The following SPOCK1 variants were observed in gnomAD, a reference collection of about 807,000 sequenced individuals.
SPOCK1 encodes the protein testican-1.
A neutral mutation model predicts 55.3 loss-of-function variants in SPOCK1; 23 were observed. That is an observed-to-expected ratio of 0.42 (90% CI 0.30 to 0.59). SPOCK1 has a LOEUF of 0.59. SPOCK1 is among the 20% of genes least tolerant of loss of function. The pLI, the probability that SPOCK1 is intolerant of heterozygous loss-of-function variation, is 0.22. For missense variants in SPOCK1, 499 were observed against 552.5 expected (o/e 0.90, Z 0.97); for synonymous variants, 226 against 221.0 (o/e 1.02, Z -0.20).
chr5:137,278,178 A>G (rs1013795414), intron 2 of SPOCK1, among the ~76,000 whole-genome samples: 1 of 152,104 alleles, frequency 6.6e-6, no homozygotes, highest in African/African-American at 2.4e-5. Flanking sequence ...AACTCCTTTC[A>G]CTGTGTCCCT....
intron 2 of SPOCK1, among the ~76,000 whole-genome samples, chr5:137,352,232 T>C (rs1750696304): frequency 6.6e-6 from 1 of 152,248 alleles, no homozygotes; most frequent in Non-Finnish European, 1.5e-5. Flanking sequence ...ATCATTGTTA[T>C]TACCATGCCA....
intron 6 of SPOCK1, among the ~76,000 whole-genome samples, chr5:137,065,949 G>A (rs989957682): frequency 1.3e-5 from 2 of 152,122 alleles, no homozygotes; most frequent in African/African-American, 4.8e-5. Context: ...TGGAGTGTCA[G>A]TCTCATCTGC....
At chr5:137,281,131 T>C (rs1444455104) in intron 2 of SPOCK1, among the ~76,000 whole-genome samples, 1 of 152,230 alleles carries the variant, frequency 6.6e-6, no homozygotes, top group African/African-American at 2.4e-5. Flanking sequence ...TATTCATTCA[T>C]TTATTTATTC....
At chr5:137,386,956 A>C (rs528367226) in intron 2 of SPOCK1, among the ~76,000 whole-genome samples, 1 of 152,356 alleles carries the variant, frequency 6.6e-6, no homozygotes, top group South Asian at 2.1e-4. Flanking sequence ...CTTAAAACTC[A>C]ACAATAAGAA....
At chr5:137,448,995 G>A (rs1216869059) in intron 2 of SPOCK1, among the ~76,000 whole-genome samples, 4 of 152,146 alleles carry the variant, frequency 2.6e-5, no homozygotes, top group Non-Finnish European at 4.4e-5. Context: ...AGCACTCTTC[G>A]TTCAGGTGTC....
chr5:137,303,945 C>A (rs1757651481), intron 2 of SPOCK1, among the ~76,000 whole-genome samples: 1 of 152,168 alleles, frequency 6.6e-6, no homozygotes, highest in South Asian at 2.1e-4. Flanking sequence ...GAAAGCCATC[C>A]CCCTTAGGAG....
At position 137,437,038 on chromosome 5, in the gene SPOCK1, C is replaced by A. The variant is rs567335251; in HGVS notation, c.186+61335G>T. The stretch of plus-strand genomic sequence containing the variant: ...TAGTATCAGGACAGAACTGGGTGGG[C>A]TACACTGTGTAGCAGACTCACAATT... On this transcript the variant is annotated intron_variant, in intron 2 of 10. Coordinates refer to ENST00000394945, the MANE Select transcript of SPOCK1 (RefSeq NM_004598.4). Among the ~76,000 whole-genome samples, 69 of 152,274 alleles carry A rather than the reference C, an allele frequency of 4.5e-4. 2 individuals are homozygous for A. In the South Asian group the frequency reaches 0.014, roughly 30 times the overall value.
At chr5:137,288,726 C>T (rs556667012) in intron 2 of SPOCK1, among the ~76,000 whole-genome samples, 18 of 152,314 alleles carry the variant, frequency 1.2e-4, no homozygotes, top group African/African-American at 2.6e-4. Context: ...AAGTCCCTCA[C>T]GGTTTATCCA....
chr5:137,182,846 A>G (rs1175752890), intron 3 of SPOCK1, among the ~76,000 whole-genome samples: 1 of 152,154 alleles, frequency 6.6e-6, no homozygotes, highest in Non-Finnish European at 1.5e-5. Context: ...CTAGACCCAC[A>G]TGCCCGCAGC....
intron 6 of SPOCK1, among the ~76,000 whole-genome samples, chr5:137,013,904 C>T (rs1751400214): frequency 6.6e-6 from 1 of 152,100 alleles, no homozygotes; most frequent in African/African-American, 2.4e-5. Flanking sequence ...CAGCAGAGAT[C>T]TGCAGGTAGT....
chr5:137,191,135 T>A (rs1755171728), intron 3 of SPOCK1, among the ~76,000 whole-genome samples: 1 of 152,204 alleles, frequency 6.6e-6, no homozygotes. Context: ...CAACAGGATA[T>A]GGGAGAAAGA....
At chr5:137,115,471 A>G (rs139572455) in intron 4 of SPOCK1, among the ~76,000 whole-genome samples, 3 of 152,180 alleles carry the variant, frequency 2.0e-5, no homozygotes, top group East Asian at 1.9e-4. Context: ...TTCATTACCA[A>G]CCTTCAGTTT....
intron 3 of SPOCK1, among the ~76,000 whole-genome samples, chr5:137,258,784 A>G (rs1232835646): frequency 6.6e-6 from 1 of 152,196 alleles, no homozygotes. Flanking sequence ...TAAACACAGT[A>G]TTAGAAAGCT....
intron 5 of SPOCK1, among the ~76,000 whole-genome samples, chr5:137,070,521 A>G (rs1161303835): frequency 6.6e-6 from 1 of 152,242 alleles, no homozygotes; most frequent in Non-Finnish European, 1.5e-5. Context: ...GAAGGGAGCC[A>G]CAATTCACTT....
intron 5 of SPOCK1, among the ~76,000 whole-genome samples, chr5:137,070,871 C>G (rs1381158161): frequency 6.6e-6 from 1 of 152,132 alleles, no homozygotes; most frequent in Non-Finnish European, 1.5e-5. Context: ...TCAGTCTCCT[C>G]CCTAGCTACA....
intron 6 of SPOCK1, chr5:136,993,008 A>G (rs1159174882): frequency 6.4e-6 from 1 of 155,824 alleles, no homozygotes; most frequent in Admixed American, 6.5e-5. Flanking sequence ...AGGCACAGCT[A>G]ATGCTCTTAG....
rs1750691240 is a variant in SPOCK1, at chr5:137,352,028, A to G, written c.187-84973T>C. ...AGACTCAAAGGGCTCCAGCTCTGGA[A>G]TCAGACAGGATAAGGTTGGAATCCT... On this transcript the variant is annotated intron_variant, in intron 2 of 10. Transcript: ENST00000394945. Among the ~76,000 whole-genome samples, 3 of 152,356 alleles carry G rather than the reference A, an allele frequency of 2.0e-5. No individual in the cohort carries two copies. In the South Asian group the frequency reaches 6.2e-4, roughly 32 times the overall value.
intron 2 of SPOCK1, among the ~76,000 whole-genome samples, chr5:137,294,557 G>T (rs545627026): frequency 6.6e-6 from 1 of 152,198 alleles, no homozygotes; most frequent in Non-Finnish European, 1.5e-5. Context: ...GGCCAAGGCC[G>T]TGGAAGTTGT....
chr5:137,119,564 C>A (rs1050050477), intron 4 of SPOCK1, among the ~76,000 whole-genome samples: 1 of 152,130 alleles, frequency 6.6e-6, no homozygotes, highest in Non-Finnish European at 1.5e-5. Context: ...ACGTGTCTCC[C>A]TCCTGTTCCA....
Sources: allele counts gnomAD v4.1 joint callset (sites outside exome capture counted in the v4.1 genomes callset), GRCh38; gene constraint gnomAD v4.1.1; transcripts MANE v1.5; gene names NCBI Gene and HGNC (gene_info 2026-07-23, HGNC 2026-07-21).